DISC1: variants seen among roughly 807,000 people sequenced by gnomAD.
DISC1 encodes the protein DISC1 scaffold protein.
Under a neutral mutation model 84.5 loss-of-function variants are expected in DISC1, and 57 were observed. The ratio of observed to expected loss-of-function variants is 0.67; its 90% CI spans 0.55 to 0.84. The LOEUF is 0.84. Among genes scored for constraint, DISC1 ranks in the 40% least tolerant of loss-of-function variants. The pLI is 0.00. For missense variants in DISC1, 1,000 were observed against 1,057.8 expected (o/e 0.95, Z 0.76); for synonymous variants, 411 against 415.2 (o/e 0.99, Z 0.12).
chr1:231,964,988 A>C (rs1185383487), intron 10 of DISC1, among the ~76,000 whole-genome samples: 1 of 152,220 alleles, frequency 6.6e-6, no homozygotes, highest in African/African-American at 2.4e-5. Flanking sequence ...CTGGCTAGTC[A>C]CCATTTTGGG....
chr1:232,029,082 A>AATT (rs990175086), intron 12 of DISC1, among the ~76,000 whole-genome samples: 5 of 152,176 alleles, frequency 3.3e-5, no homozygotes, highest in Non-Finnish European at 7.3e-5. Flanking sequence ...TGGAACACAC[A>AATT]ATTACTTTAA....
chr1:231,714,903 T>C (rs2068475987), intron 3 of DISC1, among the ~76,000 whole-genome samples: 1 of 152,246 alleles, frequency 6.6e-6, no homozygotes. Flanking sequence ...TTGTCCCATC[T>C]TCAAGGGGAG....
intron 11 of DISC1, among the ~76,000 whole-genome samples, chr1:232,015,635 C>T (rs377361293): frequency 3.9e-4 from 60 of 152,300 alleles, no homozygotes; most frequent in African/African-American, 1.3e-3. Flanking sequence ...CAGGAGCTTC[C>T]GGTCCCCCCA....
In DISC1 at chr1:231,966,022, C is replaced by G. The variant is rs532215995; in HGVS notation, c.2042+7134C>G. On this transcript the variant is annotated intron_variant, in intron 10 of 12. Coordinates refer to ENST00000439617, the MANE Select transcript of DISC1 (RefSeq NM_018662.3). ...TTCCATGCCTTACTTTCCTTGTATTCTAAGTGGTTGTCGTGCTGTTTGGCA... is the reference window on the plus strand; with the variant it reads ...TTCCATGCCTTACTTTCCTTGTATTGTAAGTGGTTGTCGTGCTGTTTGGCA... Among the ~76,000 whole-genome samples the G allele has an allele frequency of 4.6e-5, 7 of 152,282 alleles. No homozygotes were observed. In the South Asian group the frequency reaches 1.0e-3, roughly 23 times the overall value.
intron 9 of DISC1, among the ~76,000 whole-genome samples, chr1:231,821,714 CTTT>C (rs200487656): frequency 6.6e-5 from 9 of 137,230 alleles, no homozygotes; most frequent in Admixed American, 7.4e-5. Context: ...GCTACATCTG[CTTT>C]TTTTTTTTTT....
intron 1 of DISC1, among the ~76,000 whole-genome samples, chr1:231,687,034 C>G (rs1035755240): frequency 6.6e-6 from 1 of 152,152 alleles, no homozygotes; most frequent in East Asian, 1.9e-4. Flanking sequence ...CAGCCTGGAC[C>G]TTATTGTTCC....
At chr1:231,854,116 A>C (rs1475380875) in intron 9 of DISC1, among the ~76,000 whole-genome samples, 1 of 152,102 alleles carries the variant, frequency 6.6e-6, no homozygotes, top group African/African-American at 2.4e-5. Flanking sequence ...ACAAATACAT[A>C]AATCAACAAC....
intron 9 of DISC1, among the ~76,000 whole-genome samples, chr1:231,910,389 G>A (rs1031720803): frequency 6.6e-6 from 1 of 152,108 alleles, no homozygotes; most frequent in African/African-American, 2.4e-5. Context: ...TGTTGTCATT[G>A]GTTTCAAAGA....
chr1:231,706,361 G>A (rs1285662046), intron 3 of DISC1, among the ~76,000 whole-genome samples: 1 of 152,118 alleles, frequency 6.6e-6, no homozygotes, highest in African/African-American at 2.4e-5. Flanking sequence ...GACATGGGTG[G>A]GGCAGAGAAA....
In DISC1 at chr1:231,767,055, T is replaced by C. The variant is rs976150865; in HGVS notation, c.1269-85T>C. On this transcript the variant is annotated intron_variant, in intron 4 of 12. Transcript: ENST00000439617. Reference sequence around the variant, plus strand: ...ATGAGAACAGATGGGGGCCACTTGCTGGAGTTTCTTACTCTTAAAATACTT... The same window carrying C: ...ATGAGAACAGATGGGGGCCACTTGCCGGAGTTTCTTACTCTTAAAATACTT... The C allele has an allele frequency of 3.3e-5, 52 of 1,574,330 alleles. No homozygotes were observed. The South Asian group carries it at 5.8e-4, about 18-fold the overall frequency.
At chr1:231,849,414 C>T (rs558791364) in intron 9 of DISC1, among the ~76,000 whole-genome samples, 1 of 152,286 alleles carries the variant, frequency 6.6e-6, no homozygotes, top group Non-Finnish European at 1.5e-5. Context: ...GCCACCGTGC[C>T]TGGCCTATCC....
At chr1:231,921,335 A>G (rs1209094128) in intron 9 of DISC1, among the ~76,000 whole-genome samples, 3 of 152,156 alleles carry the variant, frequency 2.0e-5, no homozygotes, top group South Asian at 2.1e-4. Flanking sequence ...ACATGGAAAA[A>G]TGTGGGCACC....
At chr1:231,706,876 G>A (rs527345739) in intron 3 of DISC1, among the ~76,000 whole-genome samples, 1 of 152,194 alleles carries the variant, frequency 6.6e-6, no homozygotes, top group South Asian at 2.1e-4. Flanking sequence ...GTCACTGATG[G>A]TGTGCAAATT....
chr1:231,694,084 C>T lies in DISC1; in HGVS notation c.326C>T (p.Thr109Ile). 2 of 1,614,234 alleles carry T rather than the reference C, an allele frequency of 1.2e-6. No homozygotes were observed. The highest frequency in any genetic ancestry group is 1.7e-6 in the Non-Finnish European group (2 of 1,180,044). ...VSKSAAAPTV[T>I]SVRGTSAHFG... is the part of the protein sequence containing the mutation. The stretch of plus-strand genomic sequence containing the variant: ...AAGAGTGCAGCAGCCCCTACTGTGA[C>T]CTCTGTGAGAGGAACCTCGGCGCAC... The change falls in exon 2 of 13, where the codon ACC (threonine) becomes ATC (isoleucine). Residue 109 changes from threonine to isoleucine, a missense_variant. Physicochemically the swap from Thr to Ile is moderately conservative, Grantham distance 89. Coordinates refer to ENST00000439617, the MANE Select transcript of DISC1 (RefSeq NM_018662.3).
intron 10 of DISC1, among the ~76,000 whole-genome samples, chr1:231,964,052 A>C (rs1660761136): frequency 6.6e-6 from 1 of 152,112 alleles, no homozygotes; most frequent in Non-Finnish European, 1.5e-5. Flanking sequence ...TGTGGATTTC[A>C]TTTCTGCCTT....
chr1:231,937,341 C>T (rs765978020), intron 9 of DISC1, among the ~76,000 whole-genome samples: 7 of 152,164 alleles, frequency 4.6e-5, no homozygotes, highest in Non-Finnish European at 7.3e-5. Flanking sequence ...ATACTTAAAA[C>T]AAATACCAGG....
chr1:231,772,685 A>G (rs1041806155), intron 6 of DISC1, among the ~76,000 whole-genome samples: 1 of 152,186 alleles, frequency 6.6e-6, no homozygotes, highest in African/African-American at 2.4e-5. Context: ...TTACAATGGA[A>G]ATTTCAGTCT....
At chr1:231,875,459 C>T (rs4658959) in intron 9 of DISC1, among the ~76,000 whole-genome samples, 75,810 of 151,846 alleles carry the variant, frequency 0.5, 19,060 homozygotes, top group African/African-American at 0.53. Flanking sequence ...CAGCTGCCTA[C>T]CAAGGTTTGA....
chr1:232,014,325 C>A (rs1204267987), intron 11 of DISC1, among the ~76,000 whole-genome samples: 1 of 152,204 alleles, frequency 6.6e-6, no homozygotes, highest in Non-Finnish European at 1.5e-5. Context: ...TGATATCTCT[C>A]CCACTTTTGA....
Sources: allele counts gnomAD v4.1 joint callset (sites outside exome capture counted in the v4.1 genomes callset), GRCh38; gene constraint gnomAD v4.1.1; transcripts MANE v1.5; gene names NCBI Gene and HGNC (gene_info 2026-07-23, HGNC 2026-07-21).